The following PRMT2 variants were observed in gnomAD, a reference collection of about 807,000 sequenced individuals.
PRMT2 encodes the protein protein arginine N-methyltransferase 2.
A neutral mutation model predicts 57.6 loss-of-function variants in PRMT2; 26 were observed. That is an observed-to-expected ratio of 0.45 (90% CI 0.33 to 0.63). The LOEUF (loss-of-function observed/expected upper bound fraction) is 0.63. PRMT2 is among the 20% of genes least tolerant of loss of function. PRMT2 has a pLI of 0.02. For missense variants in PRMT2, 472 were observed against 564.4 expected, an observed-to-expected ratio of 0.84 and a Z score of 1.66; for synonymous variants, 219 against 220.0, an observed-to-expected ratio of 1.00 and a Z score of 0.04.
In PRMT2 at chr21:46,651,979, T is replaced by A. The variant is rs75296610; in HGVS notation, c.654+2240T>A. ...GAGCCCCTCAGCCCTCAGGCCTTCA[T>A]CTCTCCTGGCCCATCTTCCTACTCT... On this transcript the variant is annotated intron_variant, in intron 7 of 11. Coordinates refer to ENST00000355680, the MANE Select transcript of PRMT2 (RefSeq NM_206962.4). The A allele has an allele frequency of 1.9e-3, 3,048 of 1,613,240 alleles. 53 individuals are homozygous for A. In the African/African-American group the frequency reaches 0.034, roughly 18 times the overall value.
chr21:46,641,063 G>T (rs1234934474), intron 3 of PRMT2, among the ~76,000 whole-genome samples: 1 of 143,540 alleles, frequency 7.0e-6, no homozygotes, highest in Non-Finnish European at 1.5e-5. Flanking sequence ...GGTGGAGGTT[G>T]CCATGAGCCA....
In PRMT2 at chr21:46,636,822, A is replaced by G. The variant is rs1244546661; in HGVS notation, c.-56-74A>G. 6 of 824,918 alleles carry G rather than the reference A, an allele frequency of 7.3e-6. No individual in the cohort carries two copies. The Admixed American group carries it at 8.6e-5, about 12-fold the overall frequency. 51.1% of individuals were successfully genotyped at this position (824,918 alleles called of 1,614,324 possible). A position where few individuals can be genotyped will look rare whatever the true frequency, so the allele number is the denominator to read the frequency against. On this transcript the variant is annotated intron_variant, in intron 2 of 11. Transcript: ENST00000355680. ...CTATTTGGTAGAGGACATCATGCAC[A>G]TTAGAAGTTAAGTGAACTCAATTAT...
intron 3 of PRMT2, among the ~76,000 whole-genome samples, chr21:46,640,305 T>C (rs921618616): frequency 1.3e-5 from 2 of 152,190 alleles, no homozygotes; most frequent in African/African-American, 4.8e-5. Flanking sequence ...TTATTTGCCT[T>C]TTTTGAGGTC....
At chr21:46,664,270 A>G (rs1336650505) in intron 11 of PRMT2, 25 bp from the exon 12 acceptor site, 1 of 1,544,450 alleles carries the variant, frequency 6.5e-7, no homozygotes, top group African/African-American at 1.4e-5. Context: ...CATCTGATTG[A>G]CCTGTTGTCA....
At chr21:46,656,028 G>A (rs1193881588) in intron 7 of PRMT2, among the ~76,000 whole-genome samples, 1 of 152,196 alleles carries the variant, frequency 6.6e-6, no homozygotes, top group Non-Finnish European at 1.5e-5. Context: ...GTGTGGTGGT[G>A]TTGGGAGGTG....
rs1462219884 is a variant in PRMT2 at position 46,664,368 on chromosome 21, G to C, written c.*41G>C. The C allele has an allele frequency of 1.2e-6, 2 of 1,613,682 alleles. No homozygotes were observed. The highest frequency in any genetic ancestry group is 1.7e-6 in the Non-Finnish European group (2 of 1,179,824). ...TTGGAAAGCAGTGTGCATATCTTGA[G>C]GGGTGATGAACACAAGCAAACCAAG... On this transcript the variant is annotated 3_prime_UTR_variant, in exon 12 of 12. Transcript: ENST00000355680.
intron 3 of PRMT2, among the ~76,000 whole-genome samples, chr21:46,642,295 C>T (rs2148967240): frequency 6.6e-6 from 1 of 152,260 alleles, no homozygotes; most frequent in Middle Eastern, 3.4e-3. Context: ...TCTAAATGTA[C>T]AAGACTAGGA....
chr21:46,662,248 G>A (rs893717332), intron 10 of PRMT2, among the ~76,000 whole-genome samples: 1 of 152,206 alleles, frequency 6.6e-6, no homozygotes, highest in Admixed American at 6.5e-5. Flanking sequence ...GCTCTTCATG[G>A]TCTGACCCAA....
At chr21:46,638,597 T>C (rs1298675743) in intron 3 of PRMT2, among the ~76,000 whole-genome samples, 1 of 152,202 alleles carries the variant, frequency 6.6e-6, no homozygotes, top group African/African-American at 2.4e-5. Flanking sequence ...TAGCCCACAA[T>C]AGTGCTTACT....
At chr21:46,642,810 C>A (rs1032654614) in intron 3 of PRMT2, among the ~76,000 whole-genome samples, 15 of 152,098 alleles carry the variant, frequency 9.9e-5, no homozygotes, top group Non-Finnish European at 1.5e-4. Flanking sequence ...ATTGCCTGAG[C>A]TGAGGATTTC....
Position 46,649,957 on chromosome 21 carries a change from T to A in PRMT2, c.654+218T>A. ...CTTTATGAGAAATTTAAGTCAAAGT[T>A]CATGTAACATTTTCATGAGTGATTT... On this transcript the variant is annotated intron_variant, in intron 7 of 11. Transcript: ENST00000355680. This position sits in a 1 kb window ranked among gnomAD's most constrained non-coding sequence, Gnocchi z 4.8. 6.9e-7 allele frequency: 1 copy of A among 1,444,328 alleles called. No individual in the cohort carries two copies. Among genetic ancestry groups the A allele is most frequent in the Non-Finnish European group, 9.1e-7 (1 of 1,098,038 alleles). The allele number at this position is 1,444,328 out of a possible 1,614,324, so 89.5% of individuals were successfully genotyped here.
chr21:46,652,283 A>C (rs944452316), intron 7 of PRMT2: 3 of 1,305,780 alleles, frequency 2.3e-6, no homozygotes, highest in Non-Finnish European at 2.9e-6. Flanking sequence ...AACCAAGTTC[A>C]TAATGAAGCT....
chr21:46,652,275 C>T, intron 7 of PRMT2: 3 of 1,317,438 alleles, frequency 2.3e-6, no homozygotes, highest in Non-Finnish European at 2.9e-6. Context: ...TTTCTAAGAA[C>T]CAAGTTCATA....
chr21:46,648,200 A>G lies in PRMT2; in HGVS notation c.328-258A>G, dbSNP rs1159778613. The G allele has an allele frequency of 3.3e-5, 14 of 427,302 alleles. No homozygotes were observed. The highest frequency in any genetic ancestry group is 1.2e-4 in the South Asian group (3 of 24,226). The allele number at this position is 427,302 out of a possible 1,614,324, so 26.5% of individuals were successfully genotyped here. On this transcript the variant is annotated intron_variant, in intron 5 of 11. Coordinates refer to ENST00000355680, the MANE Select transcript of PRMT2 (RefSeq NM_206962.4). This position sits in a 1 kb window ranked among gnomAD's most constrained non-coding sequence, Gnocchi z 4.8. ...TAAGGACAATATCTCTTTGTCATAC[A>G]TGGTTGTGCACCTTTCTTGTTAAAT... is the stretch of plus-strand genomic sequence containing the variant.
Position 46,664,162 on chromosome 21 carries a change from TA to T in PRMT2, c.1270-129del, listed in dbSNP as rs2061669960. ...GCTTTGCTTTGTGATAAGTTTTTGTTAAAAGTTTGTCATTTAAAAAAATTCT... is the reference window on the plus strand; with the variant it reads ...GCTTTGCTTTGTGATAAGTTTTTGTTAAAGTTTGTCATTTAAAAAAATTCT... On this transcript the variant is annotated intron_variant, in intron 11 of 11. Transcript: ENST00000355680. 3 of 686,142 alleles carry T rather than the reference TA, an allele frequency of 4.4e-6. No individual in the cohort carries two copies. The South Asian group carries it at 5.4e-5, about 12-fold the overall frequency. 42.5% of individuals were successfully genotyped at this position (686,142 alleles called of 1,614,324 possible).
intron 2 of PRMT2, 109 bp from the exon 3 acceptor site, chr21:46,636,787 C>T (rs1349461911): frequency 1.6e-6 from 1 of 609,054 alleles, no homozygotes; most frequent in Non-Finnish European, 2.8e-6. Flanking sequence ...CACACATACA[C>T]ATTTTACTTC....
In PRMT2 at chr21:46,643,521, T is replaced by C; in HGVS notation, c.40-14T>C. The C allele has an allele frequency of 6.5e-7, 1 of 1,533,444 alleles. No individual in the cohort carries two copies. Among genetic ancestry groups the C allele is most frequent in the Middle Eastern group, 1.9e-4 (1 of 5,136 alleles). 95.0% of individuals were successfully genotyped at this position (1,533,444 alleles called of 1,614,324 possible). ...CCAGCGTCCTCTCCTCACGCTTTCC[T>C]TGGCTTTGAGCAGGGAGAAGAGCCT... On this transcript the variant is annotated splice_polypyrimidine_tract_variant and intron_variant, in intron 3 of 11. Coordinates refer to ENST00000355680, the MANE Select transcript of PRMT2 (RefSeq NM_206962.4).
intron 5 of PRMT2, among the ~76,000 whole-genome samples, chr21:46,645,704 GT>G (rs908914302): frequency 2.5e-4 from 38 of 151,562 alleles, no homozygotes; most frequent in African/African-American, 9.2e-4. Flanking sequence ...ATATTAGAAG[GT>G]TTTTTGTTTG....
chr21:46,662,198 G>A (rs2061639474), intron 10 of PRMT2, among the ~76,000 whole-genome samples: 2 of 152,164 alleles, frequency 1.3e-5, no homozygotes, highest in African/African-American at 4.8e-5. Flanking sequence ...AGCCCCAACG[G>A]GAGGAGCTCC....
Sources: gnomAD v4.1 joint callset for allele counts (sites outside exome capture counted in the v4.1 genomes callset) on GRCh38, gnomAD v4.1.1 for gene constraint, Gnocchi (gnomAD v3.1) non-coding constraint, MANE v1.5 for transcripts, NCBI Gene and HGNC (gene_info 2026-07-23, HGNC 2026-07-21) for gene names.